Variants in CSRNP3 observed in about 807,000 individuals in gnomAD.
The protein encoded by CSRNP3 is cysteine/serine-rich nuclear protein 3.
Under a neutral mutation model 48.0 loss-of-function variants are expected in CSRNP3, and 12 were observed. The observed-to-expected ratio is 0.25, with a 90% CI of 0.16 to 0.41. The LOEUF (loss-of-function observed/expected upper bound fraction) is 0.41. Among genes scored for constraint, CSRNP3 ranks in the 10% least tolerant of loss-of-function variants. The pLI, the probability that CSRNP3 is intolerant of heterozygous loss-of-function variation, is 1.00. For synonymous variants in CSRNP3, 263 were observed against 269.7 expected (o/e 0.98, Z 0.24); for missense variants, 580 against 724.4 (o/e 0.80, Z 2.29).
intron 2 of CSRNP3, among the ~76,000 whole-genome samples, chr2:165,510,498 A>G (rs1574812214): frequency 6.6e-6 from 1 of 152,194 alleles, no homozygotes; most frequent in African/African-American, 2.4e-5. Flanking sequence ...GCCCTGGTCT[A>G]TCCTATTTTT....
At chr2:165,578,633 A>T (rs1241267337) in intron 3 of CSRNP3, among the ~76,000 whole-genome samples, 1 of 151,186 alleles carries the variant, frequency 6.6e-6, no homozygotes. Flanking sequence ...AGGCCTGAGG[A>T]TTCTTACTTT....
chr2:165,479,008 C>A (rs1010524679), intron 1 of CSRNP3, among the ~76,000 whole-genome samples: 1 of 152,014 alleles, frequency 6.6e-6, no homozygotes, highest in African/African-American at 2.4e-5. Flanking sequence ...ACATTATGGA[C>A]AATATGAAAA....
chr2:165,528,541 A>G (rs1684769729), intron 3 of CSRNP3, among the ~76,000 whole-genome samples: 1 of 152,210 alleles, frequency 6.6e-6, no homozygotes, highest in South Asian at 2.1e-4. Context: ...ATGTTTCTGC[A>G]TGTGGATATC....
intron 3 of CSRNP3, among the ~76,000 whole-genome samples, chr2:165,585,828 C>T (rs1180934623): frequency 6.6e-6 from 1 of 152,098 alleles, no homozygotes; most frequent in Admixed American, 6.6e-5. Context: ...GTTAATGATC[C>T]TTGCAGTTAA....
intron 3 of CSRNP3, among the ~76,000 whole-genome samples, chr2:165,561,560 C>T (rs769012358): frequency 1.4e-4 from 22 of 152,074 alleles, no homozygotes; most frequent in Non-Finnish European, 3.1e-4. Flanking sequence ...ATGGACTGCT[C>T]ATTTGGATTG....
At chr2:165,478,387 T>C (rs1185137430) in intron 1 of CSRNP3, among the ~76,000 whole-genome samples, 1 of 152,164 alleles carries the variant, frequency 6.6e-6, no homozygotes, top group Non-Finnish European at 1.5e-5. Context: ...TTTTCACTCT[T>C]TTTCTCTCCC....
At chr2:165,601,251 G>A (rs1473090437) in intron 4 of CSRNP3, among the ~76,000 whole-genome samples, 1 of 152,144 alleles carries the variant, frequency 6.6e-6, no homozygotes, top group African/African-American at 2.4e-5. Flanking sequence ...AACTAGAGAG[G>A]AATGATTTTT....
At chr2:165,527,451 C>T (rs1231363589) in intron 3 of CSRNP3, among the ~76,000 whole-genome samples, 1 of 151,918 alleles carries the variant, frequency 6.6e-6, no homozygotes, top group African/African-American at 2.4e-5. Flanking sequence ...GTGATCCGTC[C>T]TGCTCAGCCT....
At chr2:165,554,537 C>T (rs1335547522) in intron 3 of CSRNP3, among the ~76,000 whole-genome samples, 1 of 152,176 alleles carries the variant, frequency 6.6e-6, no homozygotes, top group Non-Finnish European at 1.5e-5. Flanking sequence ...CTGCTAACAT[C>T]CTTATTGTAA....
intron 1 of CSRNP3, among the ~76,000 whole-genome samples, chr2:165,484,748 C>G (rs1394194745): frequency 6.6e-6 from 1 of 152,190 alleles, no homozygotes; most frequent in Non-Finnish European, 1.5e-5. Context: ...ATCCTATTCT[C>G]TCTCACAATT....
intron 1 of CSRNP3, among the ~76,000 whole-genome samples, chr2:165,487,312 C>T (rs1167942804): frequency 7.1e-5 from 10 of 140,386 alleles, no homozygotes; most frequent in Non-Finnish European, 9.2e-5. Flanking sequence ...ACCAAATCTA[C>T]GTCTGATTGG....
intron 3 of CSRNP3, among the ~76,000 whole-genome samples, chr2:165,593,381 G>T (rs1477593286): frequency 5.9e-5 from 9 of 152,120 alleles, no homozygotes; most frequent in Non-Finnish European, 2.9e-5. Flanking sequence ...ACCCAATTTG[G>T]GGCTTCACAA....
Position 165,679,916 on chromosome 2 carries a change from G to T in CSRNP3, c.*163G>T. The T allele has an allele frequency of 1.1e-6, 1 of 927,708 alleles. No individual in the cohort carries two copies. The highest frequency in any genetic ancestry group is 1.6e-6 in the Non-Finnish European group (1 of 619,472). The allele number at this position is 927,708 out of a possible 1,614,324, so 57.5% of individuals were successfully genotyped here. ...TTTTCCTTTCTAGCCACATGACTGT[G>T]GCATTGCACAAATACAGTCTCTGTA... On this transcript the variant is annotated 3_prime_UTR_variant, in exon 7 of 7. Coordinates refer to ENST00000651982, the MANE Select transcript of CSRNP3 (RefSeq NM_001172173.2).
intron 3 of CSRNP3, among the ~76,000 whole-genome samples, chr2:165,520,562 G>A (rs1684637301): frequency 6.6e-6 from 1 of 150,748 alleles, no homozygotes; most frequent in African/African-American, 2.4e-5. Context: ...ATTAAGTATT[G>A]TGATTTTTTT....
chr2:165,507,691 G>T (rs1204785559), intron 2 of CSRNP3, among the ~76,000 whole-genome samples: 3 of 152,116 alleles, frequency 2.0e-5, no homozygotes, highest in African/African-American at 7.2e-5. Flanking sequence ...CTAATTACAT[G>T]ATTATATACC....
At chr2:165,606,068 G>A (rs764641584) in intron 4 of CSRNP3, among the ~76,000 whole-genome samples, 3 of 151,636 alleles carry the variant, frequency 2.0e-5, no homozygotes, top group Non-Finnish European at 4.4e-5. Flanking sequence ...CCTACCTCAT[G>A]CCATATATGA....
rs1320755570 is a variant in CSRNP3 at position 165,687,346 on chromosome 2, C to CT, written c.*7595dup. Reference sequence around the variant, plus strand: ...GTTGTTGTTTGTTTTTGTGATTGCTCTTATGTCGGTAGGTAATGTCAGGAA... The same window carrying CT: ...GTTGTTGTTTGTTTTTGTGATTGCTCTTTATGTCGGTAGGTAATGTCAGGAA... On this transcript the variant is annotated 3_prime_UTR_variant, in exon 7 of 7. Transcript: ENST00000651982. 6.6e-6 allele frequency: 1 copy of CT among 152,092 alleles called. No homozygotes were observed. The highest frequency in any genetic ancestry group is 1.9e-4 in the East Asian group (1 of 5,178). The allele number at this position is 152,092 out of a possible 1,614,324, so 9.4% of individuals were successfully genotyped here.
intron 1 of CSRNP3, among the ~76,000 whole-genome samples, chr2:165,471,031 A>AT (rs5836040): frequency 0.31 from 46,543 of 150,926 alleles, 7,258 homozygotes; most frequent in Admixed American, 0.37. Flanking sequence ...TGTTTGAGAG[A>AT]TTTTGTCTTT....
At chr2:165,568,208 A>T (rs1314695072) in intron 3 of CSRNP3, among the ~76,000 whole-genome samples, 1 of 151,870 alleles carries the variant, frequency 6.6e-6, no homozygotes, top group Admixed American at 6.6e-5. Flanking sequence ...CCACCAGGCT[A>T]GCCTCTCCTC....
Sources: allele counts gnomAD v4.1 joint callset (sites outside exome capture counted in the v4.1 genomes callset), GRCh38; gene constraint gnomAD v4.1.1; transcripts MANE v1.5; gene names NCBI Gene and HGNC (gene_info 2026-07-23, HGNC 2026-07-21).